Variants in PTPRN2 observed in about 807,000 individuals in gnomAD.
PTPRN2 encodes the protein protein tyrosine phosphatase receptor type N2.
Under a neutral mutation model 118.8 loss-of-function variants are expected in PTPRN2, and 74 were observed. The ratio of observed to expected loss-of-function variants is 0.62; its 90% CI spans 0.52 to 0.76. The LOEUF (loss-of-function observed/expected upper bound fraction) is 0.76, where lower values mean the gene tolerates loss of function less well. Ranked by LOEUF, PTPRN2 falls within the 30% of genes least tolerant of loss-of-function variation. The pLI is 0.00. For synonymous variants in PTPRN2, 641 were observed against 608.0 expected (o/e 1.05, Z -0.80); for missense variants, 1,481 against 1,394.4 (o/e 1.06, Z -0.99).
rs1585120252 is a variant in PTPRN2, at chr7:157,618,542, T to G, written c.2344+2820A>C. The G allele has an allele frequency of 6.6e-6, 1 of 152,320 alleles. No individual in the cohort carries two copies. Among genetic ancestry groups the G allele is most frequent in the South Asian group, 2.1e-4 (1 of 4,820 alleles). The allele number at this position is 152,320 out of a possible 1,614,324, so 9.4% of individuals were successfully genotyped here. ...AGTCCTCCTGGACCGTGTGTGGCTG[T>G]TTTGGAGCCAGTTGTGTCCTGTGAA... On this transcript the variant is annotated intron_variant, in intron 15 of 22. Transcript: ENST00000389418. The surrounding 1 kb of genome is among the most constrained non-coding windows in gnomAD (Gnocchi z 4.2).
chr7:158,288,780 T>C (rs1799925038), intron 3 of PTPRN2, among the ~76,000 whole-genome samples: 1 of 152,240 alleles, frequency 6.6e-6, no homozygotes, highest in African/African-American at 2.4e-5. Context: ...TTCTATACTT[T>C]TGTATGTTTT....
chr7:158,118,652 C>T (rs1445671173), intron 9 of PTPRN2, among the ~76,000 whole-genome samples: 6 of 152,150 alleles, frequency 3.9e-5, no homozygotes, highest in Non-Finnish European at 7.4e-5. Flanking sequence ...CTATAGTACA[C>T]AACAAGGGAT....
At chr7:157,661,060 G>A (rs895565512) in intron 13 of PTPRN2, among the ~76,000 whole-genome samples, 1 of 152,234 alleles carries the variant, frequency 6.6e-6, no homozygotes, top group Non-Finnish European at 1.5e-5. Context: ...GGCCAAAGTC[G>A]CAGAATTTAG....
At chr7:157,952,477 G>A (rs1394376856) in intron 11 of PTPRN2, among the ~76,000 whole-genome samples, 3 of 148,954 alleles carry the variant, frequency 2.0e-5, no homozygotes, top group African/African-American at 4.9e-5. Flanking sequence ...GGGGGACACA[G>A]GGAGACAGGC....
chr7:158,001,874 G>A (rs1356646746), intron 11 of PTPRN2, among the ~76,000 whole-genome samples: 1 of 152,240 alleles, frequency 6.6e-6, no homozygotes, highest in Non-Finnish European at 1.5e-5. Context: ...CTATGGGGTT[G>A]CATCGTATTT....
At chr7:158,179,323 C>T (rs1485375414) in intron 5 of PTPRN2, among the ~76,000 whole-genome samples, 4 of 151,970 alleles carry the variant, frequency 2.6e-5, no homozygotes, top group Non-Finnish European at 5.9e-5. Context: ...AATGTCTGTT[C>T]ACGTCATTTG....
At chr7:158,255,269 C>G (rs1013530027) in intron 3 of PTPRN2, among the ~76,000 whole-genome samples, 5 of 152,280 alleles carry the variant, frequency 3.3e-5, no homozygotes, top group Middle Eastern at 3.4e-3. Context: ...CTTATCTGAC[C>G]GTTTCTACAA....
chr7:158,020,254 G>T (rs1806773158), intron 11 of PTPRN2, among the ~76,000 whole-genome samples: 1 of 152,210 alleles, frequency 6.6e-6, no homozygotes, highest in Non-Finnish European at 1.5e-5. Flanking sequence ...ACCTCCTTCA[G>T]CCAACACTAC....
intron 11 of PTPRN2, among the ~76,000 whole-genome samples, chr7:157,937,742 T>G (rs953553013): frequency 1.3e-5 from 2 of 152,178 alleles, no homozygotes; most frequent in African/African-American, 4.8e-5. Context: ...CCTAAAGAGC[T>G]AGAAAAGGAT....
At chr7:157,663,975 C>T (rs971534492) in intron 13 of PTPRN2, among the ~76,000 whole-genome samples, 9 of 152,156 alleles carry the variant, frequency 5.9e-5, no homozygotes, top group Non-Finnish European at 7.3e-5. Context: ...CATTTGAAAT[C>T]GCTCTAGGTT....
In PTPRN2 at chr7:157,821,271, A is replaced by T. The variant is rs536580100; in HGVS notation, c.1788+77402T>A. 2.0e-5 allele frequency among the ~76,000 whole-genome samples: 3 copies of T among 152,378 alleles called. No individual in the cohort carries two copies. In the South Asian group the frequency reaches 6.2e-4, roughly 32 times the overall value. ...CAACAACAAGAATTCAGTTTTAGTT[A>T]TGAGAGGCCTATAAGACCTCTGAGT... On this transcript the variant is annotated intron_variant, in intron 12 of 22. Coordinates refer to ENST00000389418, the MANE Select transcript of PTPRN2 (RefSeq NM_002847.5).
At chr7:158,502,016 C>T (rs12674047) in intron 1 of PTPRN2, among the ~76,000 whole-genome samples, 28,173 of 152,048 alleles carry the variant, frequency 0.19, 3,111 homozygotes, top group East Asian at 0.39. Context: ...GTGATAAAGC[C>T]GTCACGGAGT....
At chr7:157,829,714 A>T (rs1311170309) in intron 12 of PTPRN2, among the ~76,000 whole-genome samples, 2 of 152,196 alleles carry the variant, frequency 1.3e-5, no homozygotes, top group African/African-American at 4.8e-5. Flanking sequence ...TGGCTGCCCC[A>T]GCACCACCCC....
At chr7:157,759,152 T>TCC (rs1186624698) in intron 12 of PTPRN2, among the ~76,000 whole-genome samples, 1 of 152,180 alleles carries the variant, frequency 6.6e-6, no homozygotes, top group East Asian at 1.9e-4. Context: ...GATCTGCCGC[T>TCC]CCCCCCTTCC....
chr7:158,461,456 A>C (rs1818978290), intron 2 of PTPRN2, among the ~76,000 whole-genome samples: 1 of 151,392 alleles, frequency 6.6e-6, no homozygotes, highest in African/African-American at 2.4e-5. Flanking sequence ...AGATGGTGCC[A>C]CTGCACTCCA....
intron 10 of PTPRN2, among the ~76,000 whole-genome samples, chr7:158,083,188 C>T (rs145522194): frequency 3.8e-4 from 58 of 152,282 alleles, no homozygotes; most frequent in Middle Eastern, 3.4e-3. Flanking sequence ...TCCTTCTTCC[C>T]GAGCACAGGA....
At chr7:158,403,343 G>A (rs1203642248) in intron 2 of PTPRN2, among the ~76,000 whole-genome samples, 1 of 152,246 alleles carries the variant, frequency 6.6e-6, no homozygotes, top group Non-Finnish European at 1.5e-5. Flanking sequence ...GAGCTGACCT[G>A]AAGAGCATGT....
At chr7:158,513,136 G>A (rs982460710) in intron 1 of PTPRN2, among the ~76,000 whole-genome samples, 1 of 152,204 alleles carries the variant, frequency 6.6e-6, no homozygotes, top group Non-Finnish European at 1.5e-5. Context: ...CCAAGCCACT[G>A]AGCACAGTTG....
chr7:158,487,592 GA>G (rs1821118788), intron 2 of PTPRN2, among the ~76,000 whole-genome samples: 1 of 152,162 alleles, frequency 6.6e-6, no homozygotes, highest in East Asian at 1.9e-4. Context: ...TAAGAAAAGA[GA>G]GGGGGAAAGA....
Sources: allele counts gnomAD v4.1 joint callset (sites outside exome capture counted in the v4.1 genomes callset), GRCh38; gene constraint gnomAD v4.1.1; non-coding constraint Gnocchi (gnomAD v3.1); transcripts MANE v1.5; gene names NCBI Gene and HGNC (gene_info 2026-07-23, HGNC 2026-07-21).